Variants in RFT1 observed in about 807,000 individuals in gnomAD.
RFT1 encodes the protein RFT1 glycolipid translocator homolog.
A neutral mutation model predicts 62.2 loss-of-function variants in RFT1; 43 were observed. The observed-to-expected ratio is 0.69, with a 90% CI of 0.54 to 0.89. The LOEUF is 0.89. Among genes scored for constraint, RFT1 ranks in the 40% least tolerant of loss-of-function variants. The pLI is 0.00. For missense variants in RFT1, 605 were observed against 649.9 expected (o/e 0.93, Z 0.75); for synonymous variants, 262 against 264.6 (o/e 0.99, Z 0.10).
At chr3:53,100,035 G>C (rs1415497597) in intron 10 of RFT1, among the ~76,000 whole-genome samples, 2 of 152,150 alleles carry the variant, frequency 1.3e-5, no homozygotes. Flanking sequence ...TCTCTTGCTG[G>C]ACAACTAAAA....
chr3:53,094,984 T>C (rs1175629249), intron 11 of RFT1, among the ~76,000 whole-genome samples: 3 of 152,142 alleles, frequency 2.0e-5, no homozygotes, highest in Admixed American at 6.6e-5. Context: ...TATCACTTTT[T>C]TGGCCGGGCA....
chr3:53,082,663 G>A, the RFT1 span, among the ~76,000 whole-genome samples: 1 of 152,062 alleles, frequency 6.6e-6, no homozygotes, highest in Non-Finnish European at 1.5e-5. Flanking sequence ...GATAATAGAT[G>A]GAGTCTGTTG....
At chr3:53,126,057 A>G in intron 1 of RFT1, 63 bp from the exon 2 acceptor site, 1 of 1,289,056 alleles carries the variant, frequency 7.8e-7, no homozygotes, top group Non-Finnish European at 1.1e-6. Context: ...CTTAGCTGAA[A>G]TGAGAACAAT....
chr3:53,105,421 C>G (rs907399628), intron 9 of RFT1, among the ~76,000 whole-genome samples: 15 of 146,520 alleles, frequency 1.0e-4, no homozygotes, highest in African/African-American at 1.6e-4. Context: ...CCCCGCCCCC[C>G]CCCCCAAAAA....
In RFT1 at chr3:53,090,891, C is replaced by T. The variant is rs944019235; in HGVS notation, c.*1012G>A. 3 of 152,274 alleles carry T rather than the reference C, an allele frequency of 2.0e-5. No homozygotes were observed. Among genetic ancestry groups the T allele is most frequent in the Non-Finnish European group, 4.4e-5 (3 of 68,088 alleles). 9.4% of individuals were successfully genotyped at this position (152,274 alleles called of 1,614,324 possible). On this transcript the variant is annotated 3_prime_UTR_variant, in exon 13 of 13. Transcript: ENST00000296292. ...AGCCTGGAGTACCAGGCCCCCATGCCTGCCACTCTTGTCCTGGGGCTGGAA... is the reference window on the plus strand; with the variant it reads ...AGCCTGGAGTACCAGGCCCCCATGCTTGCCACTCTTGTCCTGGGGCTGGAA...
At chr3:53,102,186 G>T (rs902757153) in intron 10 of RFT1, among the ~76,000 whole-genome samples, 1 of 152,208 alleles carries the variant, frequency 6.6e-6, no homozygotes, top group Non-Finnish European at 1.5e-5. Flanking sequence ...GTCAAGGAAC[G>T]CCAGGATGCC....
At chr3:53,121,118 C>T (rs1701956316) in intron 5 of RFT1, among the ~76,000 whole-genome samples, 1 of 152,196 alleles carries the variant, frequency 6.6e-6, no homozygotes, top group African/African-American at 2.4e-5. Context: ...AGCACTTGTA[C>T]TCTAGTTGTA....
rs747402128 is a variant in RFT1, at chr3:53,105,676, C to T, written c.954G>A (p.Lys318=). 8 of 1,613,474 alleles carry T rather than the reference C, an allele frequency of 5.0e-6. No homozygotes were observed. The African/African-American group carries it at 5.3e-5, about 11-fold the overall frequency. Residue 318 remains lysine (K), a synonymous_variant, in exon 9 of 13, where the codon AAG becomes AAA. Coordinates refer to ENST00000296292, the MANE Select transcript of RFT1 (RefSeq NM_052859.4). ...ATGACATAAGAACCAACATTACCTG[C>T]TTCTGAAGTGTGGCATCCTTTCCCC... The part of the protein sequence containing the change: ...LERGKDATLQ[K]QEDVAVAAAV...
chr3:53,066,982 C>T, the RFT1 span, among the ~76,000 whole-genome samples: 5 of 152,084 alleles, frequency 3.3e-5, no homozygotes, highest in Non-Finnish European at 5.9e-5. Flanking sequence ...AACTACTCAA[C>T]GATAAAAAAG....
At chr3:53,067,630 T>C in the RFT1 span, among the ~76,000 whole-genome samples, 214 of 152,284 alleles carry the variant, frequency 1.4e-3, no homozygotes, top group African/African-American at 5.1e-3. Context: ...ATTGCTGTAG[T>C]GTACCGAATG....
intron 10 of RFT1, among the ~76,000 whole-genome samples, chr3:53,101,597 C>A (rs1050295828): frequency 1.3e-5 from 2 of 152,104 alleles, no homozygotes; most frequent in African/African-American, 2.4e-5. Flanking sequence ...GTTGAACTGT[C>A]CCCCCAAAAT....
At chr3:53,087,437 C>G (rs1292450173), downstream of RFT1, among the ~76,000 whole-genome samples, 1 of 152,198 alleles carries the variant, frequency 6.6e-6, no homozygotes, top group Non-Finnish European at 1.5e-5. Flanking sequence ...CCTGCCCAGC[C>G]TCTCACCTGA....
chr3:53,103,626 T>C (rs1701377919), intron 10 of RFT1: 1 of 379,724 alleles, frequency 2.6e-6, no homozygotes, highest in Non-Finnish European at 5.0e-6. Flanking sequence ...GCCCTCTGCC[T>C]TCCTCCCTCA....
intron 4 of RFT1, 89 bp from the exon 5 acceptor site, chr3:53,121,889 G>A (rs1348748410): frequency 1.9e-5 from 21 of 1,093,162 alleles, no homozygotes; most frequent in Non-Finnish European, 2.8e-5. Flanking sequence ...TAGGGCAGTG[G>A]TCACCCTGGC....
At chr3:53,079,711 T>C in the RFT1 span, among the ~76,000 whole-genome samples, 1 of 152,134 alleles carries the variant, frequency 6.6e-6, no homozygotes, top group South Asian at 2.1e-4. Flanking sequence ...AGACCACGAC[T>C]CTGTCAAAAG....
At chr3:53,121,363 C>G (rs1216937648) in intron 5 of RFT1, among the ~76,000 whole-genome samples, 1 of 152,182 alleles carries the variant, frequency 6.6e-6, no homozygotes, top group Non-Finnish European at 1.5e-5. Flanking sequence ...ACCCCACCCC[C>G]CACTGATTTT....
Position 53,119,875 on chromosome 3 carries a change from A to C in RFT1, c.696+9T>G. 6.2e-7 allele frequency: 1 copy of C among 1,603,114 alleles called. No individual in the cohort carries two copies. The highest frequency in any genetic ancestry group is 1.1e-5 in the South Asian group (1 of 89,490). On this transcript the variant is annotated intron_variant, in intron 6 of 12. Coordinates refer to ENST00000296292, the MANE Select transcript of RFT1 (RefSeq NM_052859.4). ...TTAAAATGATAAGAGATAAAAATGT[A>C]TTACTTACTCCATTTCTTGTAATAT...
chr3:53,130,367 G>T lies in RFT1; in HGVS notation c.34C>A (p.Arg12=). ...GSQEVLGHAA[R]LASSGLLLQV... Reference sequence around the variant, plus strand: ...AGGAGGAGACCGGAGGAGGCCAGCCGGGCCGCGTGGCCCAGCACCTCCTGG... The same window carrying T: ...AGGAGGAGACCGGAGGAGGCCAGCCTGGCCGCGTGGCCCAGCACCTCCTGG... The change falls in exon 1 of 13, where the codon CGG becomes AGG. Residue 12 remains arginine, a synonymous_variant. Transcript: ENST00000296292. 1.3e-5 allele frequency: 21 copies of T among 1,565,974 alleles called. No individual in the cohort carries two copies. Among genetic ancestry groups the T allele is most frequent in the Non-Finnish European group, 1.7e-5 (20 of 1,155,724 alleles).
intron 1 of RFT1, among the ~76,000 whole-genome samples, chr3:53,129,637 C>T (rs1418265863): frequency 6.6e-6 from 1 of 152,092 alleles, no homozygotes; most frequent in Non-Finnish European, 1.5e-5. Context: ...GACTAACTGG[C>T]CTGTATCATA....
Sources: gnomAD v4.1 joint callset for allele counts (sites outside exome capture counted in the v4.1 genomes callset) on GRCh38, gnomAD v4.1.1 for gene constraint, MANE v1.5 for transcripts, NCBI Gene and HGNC (gene_info 2026-07-23, HGNC 2026-07-21) for gene names.